Variants in KCNT2 observed in about 807,000 individuals in gnomAD.
KCNT2 encodes the protein potassium channel subfamily T member 2.
KCNT2 carries 67 observed loss-of-function variants against 153.8 expected under a neutral mutation model. The ratio of observed to expected loss-of-function variants is 0.44; its 90% CI spans 0.36 to 0.53. The LOEUF is 0.53. Among genes scored for constraint, KCNT2 ranks in the 20% least tolerant of loss-of-function variants. The pLI, the probability that KCNT2 is intolerant of heterozygous loss-of-function variation, is 0.00. For missense variants in KCNT2, 975 were observed against 1,354.8 expected, an observed-to-expected ratio of 0.72 and a Z score of 4.40; for synonymous variants, 500 against 458.8, an observed-to-expected ratio of 1.09 and a Z score of -1.15.
At chr1:196,541,352 A>T (rs1345638298) in intron 1 of KCNT2, among the ~76,000 whole-genome samples, 1 of 152,172 alleles carries the variant, frequency 6.6e-6, no homozygotes, top group East Asian at 1.9e-4. Flanking sequence ...AAATCCAGGG[A>T]CCTAATCCTG....
intron 8 of KCNT2, among the ~76,000 whole-genome samples, chr1:196,434,722 A>T (rs1674467498): frequency 6.6e-6 from 1 of 151,944 alleles, no homozygotes; most frequent in South Asian, 2.1e-4. Flanking sequence ...TCTGAACTGG[A>T]CTAATGACTT....
At chr1:196,285,548 A>G in intron 23 of KCNT2, 109 bp downstream of exon 23, 1 of 589,584 alleles carries the variant, frequency 1.7e-6, no homozygotes, top group Non-Finnish European at 2.9e-6. Context: ...TTTTGGAGCC[A>G]ATTTTAAGTT....
chr1:196,281,280 A>C (rs1015186516), intron 24 of KCNT2, among the ~76,000 whole-genome samples: 7 of 152,206 alleles, frequency 4.6e-5, no homozygotes, highest in African/African-American at 1.7e-4. Context: ...AACTTAAGAA[A>C]TCCGAGTACT....
chr1:196,568,234 A>T (rs2148942298), intron 1 of KCNT2, among the ~76,000 whole-genome samples: 1 of 152,168 alleles, frequency 6.6e-6, no homozygotes, highest in East Asian at 1.9e-4. Context: ...TCAGATTCTC[A>T]TAAGGAGCTC....
intron 12 of KCNT2, among the ~76,000 whole-genome samples, chr1:196,414,561 TTTG>T (rs1012914352): frequency 6.6e-6 from 1 of 151,804 alleles, no homozygotes; most frequent in Non-Finnish European, 1.5e-5. Context: ...AGTAAAAGTT[TTTG>T]TTGTTGTTGT....
chr1:196,400,905 T>G (rs1671353809), intron 12 of KCNT2, among the ~76,000 whole-genome samples: 1 of 151,790 alleles, frequency 6.6e-6, no homozygotes, highest in South Asian at 2.1e-4. Flanking sequence ...TCCCTGTTTT[T>G]GCTGCTGTGA....
At chr1:196,525,998 A>C (rs1654134414) in intron 1 of KCNT2, among the ~76,000 whole-genome samples, 1 of 149,736 alleles carries the variant, frequency 6.7e-6, no homozygotes, top group Non-Finnish European at 1.5e-5. Flanking sequence ...AAATAGCACA[A>C]ATAATGAGAA....
chr1:196,533,228 G>C (rs1442905769), intron 1 of KCNT2, among the ~76,000 whole-genome samples: 1 of 152,070 alleles, frequency 6.6e-6, no homozygotes, highest in Non-Finnish European at 1.5e-5. Context: ...ATGACTAAGA[G>C]AAAGCTATTG....
chr1:196,385,174 C>T (rs1669858578), intron 13 of KCNT2, among the ~76,000 whole-genome samples: 1 of 152,132 alleles, frequency 6.6e-6, no homozygotes, highest in Non-Finnish European at 1.5e-5. Flanking sequence ...TTCAACATCA[C>T]CAACTTCAAC....
intron 1 of KCNT2, among the ~76,000 whole-genome samples, chr1:196,506,276 A>G (rs997493178): frequency 2.6e-5 from 4 of 152,194 alleles, no homozygotes; most frequent in African/African-American, 9.6e-5. Flanking sequence ...AAAACATAGC[A>G]TATATGTAAA....
rs551300042 is a variant in KCNT2, at chr1:196,553,015, C to A, written c.95+55200G>T. ...CAGGAAAAGAGAAGAAAGAAAAGAA[C>A]ACAAAACAACCATAAAACAAAGAAC... is the stretch of plus-strand genomic sequence containing the variant. On this transcript the variant is annotated intron_variant, in intron 1 of 27. Coordinates refer to ENST00000294725, the MANE Select transcript of KCNT2 (RefSeq NM_198503.5). 1.9e-4 allele frequency among the ~76,000 whole-genome samples: 28 copies of A among 150,884 alleles called. No homozygotes were observed. The South Asian group carries it at 5.4e-3, about 29-fold the overall frequency.
At chr1:196,450,117 A>C (rs1269018312) in intron 8 of KCNT2, among the ~76,000 whole-genome samples, 1 of 151,782 alleles carries the variant, frequency 6.6e-6, no homozygotes, top group African/African-American at 2.4e-5. Flanking sequence ...TCAAATTCTC[A>C]TTGCATTTTC....
intron 8 of KCNT2, among the ~76,000 whole-genome samples, chr1:196,449,162 A>T (rs1365266817): frequency 6.6e-6 from 1 of 151,726 alleles, no homozygotes; most frequent in Non-Finnish European, 1.5e-5. Context: ...GAGTACTCTC[A>T]ATTGTCAATA....
At chr1:196,432,879 C>G (rs1448945318) in intron 8 of KCNT2, among the ~76,000 whole-genome samples, 3 of 152,028 alleles carry the variant, frequency 2.0e-5, no homozygotes, top group South Asian at 2.1e-4. Flanking sequence ...TGTATGTGAG[C>G]AGGACATGCA....
At chr1:196,553,256 T>C (rs1279418534) in intron 1 of KCNT2, among the ~76,000 whole-genome samples, 2 of 151,068 alleles carry the variant, frequency 1.3e-5, no homozygotes, top group African/African-American at 4.8e-5. Context: ...TAGCTATACT[T>C]ATATGAGACA....
chr1:196,538,277 C>T (rs74134348), intron 1 of KCNT2, among the ~76,000 whole-genome samples: 7,878 of 152,164 alleles, frequency 0.052, 689 homozygotes, highest in African/African-American at 0.18. Flanking sequence ...CCAGGCACCA[C>T]TACCCATGTT....
chr1:196,264,903 T>C (rs1197339661), intron 25 of KCNT2, among the ~76,000 whole-genome samples: 4 of 152,116 alleles, frequency 2.6e-5, no homozygotes, highest in Non-Finnish European at 5.9e-5. Context: ...AGTGCTGGGA[T>C]TACAGGCGTG....
intron 8 of KCNT2, among the ~76,000 whole-genome samples, chr1:196,456,526 T>C (rs530641327): frequency 6.6e-6 from 1 of 152,128 alleles, no homozygotes; most frequent in South Asian, 2.1e-4. Flanking sequence ...CCAGATTTTG[T>C]CTTCTCATTT....
chr1:196,590,186 A>C (rs1663174841), intron 1 of KCNT2, among the ~76,000 whole-genome samples: 1 of 152,182 alleles, frequency 6.6e-6, no homozygotes, highest in Admixed American at 6.6e-5. Context: ...TGAAAGGAAT[A>C]AAGCCAAGTA....
Sources: gnomAD v4.1 joint callset for allele counts (sites outside exome capture counted in the v4.1 genomes callset) on GRCh38, gnomAD v4.1.1 for gene constraint, MANE v1.5 for transcripts, NCBI Gene and HGNC (gene_info 2026-07-23, HGNC 2026-07-21) for gene names.